The following LGR4 variants were observed in gnomAD, a reference collection of about 807,000 sequenced individuals.
LGR4 encodes leucine-rich repeat-containing G protein-coupled receptor 4.
In LGR4, 44 loss-of-function variants were observed where a neutral mutation model predicts 84.8. The ratio of observed to expected loss-of-function variants is 0.52; its 90% CI spans 0.41 to 0.67. LGR4 has a LOEUF of 0.67. Ranked by LOEUF, LGR4 falls within the 30% of genes least tolerant of loss-of-function variation. LGR4 has a pLI of 0.00. For synonymous variants in LGR4, 429 were observed against 434.3 expected (o/e 0.99, Z 0.15); for missense variants, 1,032 against 1,131.4 (o/e 0.91, Z 1.26).
At chr11:27,423,621 A>G (rs7119755) in intron 1 of LGR4, among the ~76,000 whole-genome samples, 35,065 of 152,222 alleles carry the variant, frequency 0.23, 7,254 homozygotes, top group African/African-American at 0.56. Flanking sequence ...TGTCACTAGA[A>G]ATATTCCCTT....
chr11:27,451,955 A>G (rs1335451367), intron 1 of LGR4, among the ~76,000 whole-genome samples: 1 of 152,248 alleles, frequency 6.6e-6, no homozygotes. Flanking sequence ...AGAACATAAA[A>G]GAGAATTCAC....
chr11:27,425,126 C>T (rs953310172), intron 1 of LGR4, among the ~76,000 whole-genome samples: 8 of 152,050 alleles, frequency 5.3e-5, no homozygotes, highest in African/African-American at 1.7e-4. Context: ...AATGTGGAGT[C>T]GGCTTTTGAA....
intron 1 of LGR4, among the ~76,000 whole-genome samples, chr11:27,413,612 G>A (rs56172636): frequency 0.02 from 3,067 of 152,244 alleles, 100 homozygotes; most frequent in African/African-American, 0.07. Context: ...GGTTAAAACA[G>A]CCCCATAAGG....
chr11:27,462,105 T>C (rs1590412942), intron 1 of LGR4, among the ~76,000 whole-genome samples: 1 of 152,046 alleles, frequency 6.6e-6, no homozygotes, highest in African/African-American at 2.4e-5. Context: ...AGTGCTGGGA[T>C]TACAAGCGTG....
Position 27,388,036 on chromosome 11 carries a change from A to C in LGR4, c.402-2568T>G, listed in dbSNP as rs150355895. ...CAGTAATAAAGCTATCTTCTATACA[A>C]AATAGCATAATACAACAATAAAAGC... On this transcript the variant is annotated intron_variant, in intron 4 of 17. Transcript: ENST00000379214. Among the ~76,000 whole-genome samples the C allele has an allele frequency of 1.4e-4, 22 of 152,304 alleles. No homozygotes were observed. In the East Asian group the frequency reaches 3.3e-3, roughly 23 times the overall value.
chr11:27,393,406 T>A (rs1863321303), intron 2 of LGR4, among the ~76,000 whole-genome samples: 1 of 152,146 alleles, frequency 6.6e-6, no homozygotes, highest in South Asian at 2.1e-4. Flanking sequence ...CTGTCAGGGA[T>A]ACTCTCCTAA....
intron 2 of LGR4, 23 bp downstream of exon 2, chr11:27,412,766 A>T (rs1185321274): frequency 7.3e-7 from 1 of 1,375,628 alleles, no homozygotes; most frequent in Non-Finnish European, 1.0e-6. Context: ...ACATACACAC[A>T]CATTTCTCAA....
Position 27,368,991 on chromosome 11 carries a change from C to T in LGR4, c.1732G>A (p.Gly578Ser), listed in dbSNP as rs1462234311. 6.2e-7 allele frequency: 1 copy of T among 1,613,982 alleles called. No homozygotes were observed. The highest frequency in any genetic ancestry group is 8.5e-7 in the Non-Finnish European group (1 of 1,179,986). The change falls in exon 18 of 18, where the codon GGC (glycine) becomes AGC (serine). Residue 578 changes from glycine to serine, a missense_variant. Transcript: ENST00000379214. ...TSLPSSKLFI[G>S]LISVSNLFMG... ...AATAAGTTAGACACAGAAATCAAGCCTATAAACAATTTGGACGAAGGCAGT... is the reference window on the plus strand; with the variant it reads ...AATAAGTTAGACACAGAAATCAAGCTTATAAACAATTTGGACGAAGGCAGT...
chr11:27,440,300 G>A (rs1429932764), intron 1 of LGR4, among the ~76,000 whole-genome samples: 1 of 152,160 alleles, frequency 6.6e-6, no homozygotes, highest in Non-Finnish European at 1.5e-5. Context: ...CCACCCAGCA[G>A]ATGGACCCTT....
chr11:27,390,707 T>C (rs1863267743), intron 4 of LGR4, among the ~76,000 whole-genome samples: 1 of 152,176 alleles, frequency 6.6e-6, no homozygotes, highest in African/African-American at 2.4e-5. Flanking sequence ...GGAATTACAA[T>C]CGATTTGTTC....
intron 13 of LGR4, among the ~76,000 whole-genome samples, chr11:27,375,734 C>CTGTA (rs1189639500): frequency 1.3e-5 from 2 of 152,150 alleles, no homozygotes; most frequent in Admixed American, 6.5e-5. Context: ...GGCCCATGGG[C>CTGTA]TGTAGTCTGC....
intron 1 of LGR4, among the ~76,000 whole-genome samples, chr11:27,425,292 T>C (rs948869345): frequency 1.3e-5 from 2 of 151,868 alleles, no homozygotes; most frequent in African/African-American, 4.8e-5. Context: ...GTTGGCCTGG[T>C]ACAATCGCAG....
chr11:27,433,149 C>T (rs1011314725), intron 1 of LGR4, among the ~76,000 whole-genome samples: 2 of 152,206 alleles, frequency 1.3e-5, no homozygotes, highest in African/African-American at 4.8e-5. Flanking sequence ...AAAACTGACA[C>T]ATCAGAAAAG....
At position 27,406,444 on chromosome 11, in the gene LGR4, C is replaced by T. The variant is rs544868572; in HGVS notation, c.257+6345G>A. Among the ~76,000 whole-genome samples, 5 of 152,230 alleles carry T rather than the reference C, an allele frequency of 3.3e-5. No homozygotes were observed. In the South Asian group the frequency reaches 1.0e-3, roughly 32 times the overall value. ...TAAACTTGGGTCAGTTACTTAACCT[C>T]TCTGATGAAAAGCTTCGGCTCCCAA... On this transcript the variant is annotated intron_variant, in intron 2 of 17. Transcript: ENST00000379214.
At chr11:27,430,177 GTAAT>G (rs770664966) in intron 1 of LGR4, among the ~76,000 whole-genome samples, 24 of 152,044 alleles carry the variant, frequency 1.6e-4, no homozygotes, top group Non-Finnish European at 2.8e-4. Flanking sequence ...CCCAGCTATA[GTAAT>G]TAATTCAAAG....
At chr11:27,455,045 T>G (rs937456581) in intron 1 of LGR4, among the ~76,000 whole-genome samples, 3 of 152,284 alleles carry the variant, frequency 2.0e-5, no homozygotes, top group Non-Finnish European at 2.9e-5. Context: ...CTGTCTGTCT[T>G]TCTTTCTTTT....
At chr11:27,446,358 T>A (rs962214928) in intron 1 of LGR4, among the ~76,000 whole-genome samples, 1 of 152,128 alleles carries the variant, frequency 6.6e-6, no homozygotes, top group African/African-American at 2.4e-5. Flanking sequence ...AACAACCCCA[T>A]CAAAAAGTGG....
At chr11:27,430,073 G>T (rs1864090559) in intron 1 of LGR4, among the ~76,000 whole-genome samples, 1 of 152,024 alleles carries the variant, frequency 6.6e-6, no homozygotes, top group Admixed American at 6.6e-5. Flanking sequence ...CTCCGGTATG[G>T]TTCATTCTAG....
intron 3 of LGR4, among the ~76,000 whole-genome samples, chr11:27,391,694 A>C (rs896180310): frequency 2.5e-5 from 1 of 40,018 alleles, no homozygotes. Flanking sequence ...GAAGAGAAAT[A>C]GAGCTTTGAT....
Sources: gnomAD v4.1 joint callset for allele counts (sites outside exome capture counted in the v4.1 genomes callset) on GRCh38, gnomAD v4.1.1 for gene constraint, MANE v1.5 for transcripts, NCBI Gene and HGNC (gene_info 2026-07-23, HGNC 2026-07-21) for gene names.